The following FNBP1L variants were observed in gnomAD, a reference collection of about 807,000 sequenced individuals.
FNBP1L encodes formin binding protein 1 like.
In FNBP1L, 36 loss-of-function variants were observed where a neutral mutation model predicts 91.2. The ratio of observed to expected loss-of-function variants is 0.39; its 90% CI spans 0.30 to 0.52. FNBP1L has a LOEUF of 0.52. Ranked by LOEUF, FNBP1L falls within the 20% of genes least tolerant of loss-of-function variation. The probability of loss-of-function intolerance (pLI) is 0.66; values close to 1 mark genes in which losing one functional copy is unlikely to be tolerated. For synonymous variants in FNBP1L, 242 were observed against 237.0 expected (o/e 1.02, Z -0.19); for missense variants, 571 against 732.1 (o/e 0.78, Z 2.54).
Position 93,512,515 on chromosome 1 carries a change from C to G in FNBP1L, c.141-9567C>G, listed in dbSNP as rs1443154652. ...CACCTATTCCAAAATTGACCACATACTTGGAAGTAAAGCTCTCCTCAGCAA... is the reference window on the plus strand; with the variant it reads ...CACCTATTCCAAAATTGACCACATAGTTGGAAGTAAAGCTCTCCTCAGCAA... On this transcript the variant is annotated intron_variant, in intron 2 of 16. Transcript: ENST00000271234. Among the ~76,000 whole-genome samples the G allele has an allele frequency of 4.6e-3, 702 of 151,762 alleles. 4 individuals carry two copies. The highest frequency in any genetic ancestry group is 0.011 in the South Asian group (51 of 4,806).
At position 93,549,283 on chromosome 1, in the gene FNBP1L, A is replaced by T. The variant is rs1399840821; in HGVS notation, c.1508A>T (p.Glu503Val). The stretch of plus-strand genomic sequence containing the variant: ...GATAATTTTTTGTTTTATAGTCCTG[A>T]GGGAAGTTACACTGATGATGCAAAC... ...HLVTQGRESP[E>V]GSYTDDANQE... Residue 503 changes from glutamate to valine, a missense_variant, in exon 15 of 17, where the codon GAG becomes GTG. Around this residue, in one of 5 missense-constraint regions of FNBP1L, gnomAD observed 189 missense variants for 219.7 expected, o/e 0.86. Coordinates refer to ENST00000271234, the MANE Select transcript of FNBP1L (RefSeq NM_001164473.3). 1 of 1,607,438 alleles carries T rather than the reference A, an allele frequency of 6.2e-7. No homozygotes were observed. The highest frequency in any genetic ancestry group is 8.5e-7 in the Non-Finnish European group (1 of 1,177,718).
At chr1:93,538,024 A>G (rs575500772) in intron 10 of FNBP1L, among the ~76,000 whole-genome samples, 1 of 152,208 alleles carries the variant, frequency 6.6e-6, no homozygotes, top group African/African-American at 2.4e-5. Context: ...TTATATTGTT[A>G]CATAAATCAT....
Position 93,448,318 on chromosome 1 carries a change from G to A in FNBP1L, c.24+13G>A, listed in dbSNP as rs1484867542. 6.6e-6 allele frequency: 10 copies of A among 1,507,572 alleles called. No homozygotes were observed. Among genetic ancestry groups the A allele is most frequent in the Non-Finnish European group, 8.9e-6 (10 of 1,129,230 alleles). The allele number at this position is 1,507,572 out of a possible 1,614,324, so 93.4% of individuals were successfully genotyped here. On this transcript the variant is annotated intron_variant, in intron 1 of 16. Coordinates refer to ENST00000271234, the MANE Select transcript of FNBP1L (RefSeq NM_001164473.3). ...CACGGAGCTGTGGGTGAGTCGGGGA[G>A]AGGGGCGCCCCGCACGGACCCCGGC...
chr1:93,463,932 G>A (rs1037616668), intron 1 of FNBP1L, among the ~76,000 whole-genome samples: 1 of 151,922 alleles, frequency 6.6e-6, no homozygotes, highest in African/African-American at 2.4e-5. Flanking sequence ...TTCATTCTTC[G>A]TGCTGTGAAG....
At chr1:93,506,402 A>C (rs1046695064) in intron 2 of FNBP1L, among the ~76,000 whole-genome samples, 4 of 152,210 alleles carry the variant, frequency 2.6e-5, no homozygotes, top group African/African-American at 9.6e-5. Context: ...GTCAGATCCA[A>C]AGTCTTACAA....
rs966284596 is a variant in FNBP1L, at chr1:93,475,041, A to AT, written c.25-24417dup. Among the ~76,000 whole-genome samples the AT allele has an allele frequency of 2.0e-3, 298 of 148,964 alleles. 2 individuals carry two copies. Among genetic ancestry groups the AT allele is most frequent in the African/African-American group, 6.9e-3 (280 of 40,788 alleles). ...AGAACTAGAGCCAAGGTCATTTTGT[A>AT]TTTTTTTTTTAAGTGAACAGAATCT... is the stretch of plus-strand genomic sequence containing the variant. On this transcript the variant is annotated intron_variant, in intron 1 of 16. Coordinates refer to ENST00000271234, the MANE Select transcript of FNBP1L (RefSeq NM_001164473.3).
intron 2 of FNBP1L, among the ~76,000 whole-genome samples, chr1:93,505,109 T>A (rs1557796819): frequency 8.4e-6 from 1 of 118,762 alleles, no homozygotes; most frequent in Non-Finnish European, 1.7e-5. Context: ...CCAGCTTCAT[T>A]CTTTTTTTTT....
At chr1:93,469,664 A>G (rs573835168) in intron 1 of FNBP1L, among the ~76,000 whole-genome samples, 9 of 152,324 alleles carry the variant, frequency 5.9e-5, no homozygotes, top group Non-Finnish European at 1.2e-4. Flanking sequence ...TAAACTATAA[A>G]TAAAAACTAA....
chr1:93,498,397 G>C (rs917613184), intron 1 of FNBP1L, among the ~76,000 whole-genome samples: 8 of 152,136 alleles, frequency 5.3e-5, no homozygotes, highest in African/African-American at 1.9e-4. Context: ...TTTTCTTGCT[G>C]TATTCAGATA....
At chr1:93,532,865 C>T in intron 7 of FNBP1L, 57 bp from the exon 8 acceptor site, 1 of 1,411,034 alleles carries the variant, frequency 7.1e-7, no homozygotes, top group Non-Finnish European at 9.7e-7. Flanking sequence ...AATTGAACTC[C>T]TTTAGAATGA....
At chr1:93,497,848 G>A (rs935001450) in intron 1 of FNBP1L, among the ~76,000 whole-genome samples, 4 of 151,922 alleles carry the variant, frequency 2.6e-5, no homozygotes, top group African/African-American at 4.8e-5. Flanking sequence ...TCGAACTCCT[G>A]ACTTCAAGTG....
At position 93,550,990 on chromosome 1, in the gene FNBP1L, C is replaced by T. The variant is rs746242213; in HGVS notation, c.1695C>T (p.Leu565=). ...TAGCAATGAAAGAAGGTGAAGTTCTCTACATTATAGAGGAGGACAAAGGTG... is the reference window on the plus strand; with the variant it reads ...TAGCAATGAAAGAAGGTGAAGTTCTTTACATTATAGAGGAGGACAAAGGTG... ...GTLAMKEGEV[L]YIIEEDKGDG... Residue 565 remains leucine (L), a synonymous_variant, in exon 16 of 17, where the codon CTC becomes CTT. Transcript: ENST00000271234. The T allele has an allele frequency of 6.2e-7, 1 of 1,609,478 alleles. No individual in the cohort carries two copies. Among genetic ancestry groups the T allele is most frequent in the Non-Finnish European group, 8.5e-7 (1 of 1,177,542 alleles).
At chr1:93,468,554 C>T (rs1318593559) in intron 1 of FNBP1L, among the ~76,000 whole-genome samples, 2 of 152,154 alleles carry the variant, frequency 1.3e-5, no homozygotes, top group Non-Finnish European at 2.9e-5. Context: ...CCTCAGCACC[C>T]CATGTAGCTG....
At chr1:93,536,286 C>T (rs2101763536) in intron 9 of FNBP1L, 46 bp from the exon 10 acceptor site, 2 of 1,316,302 alleles carry the variant, frequency 1.5e-6, no homozygotes, top group South Asian at 4.5e-5. Flanking sequence ...TAGGAGAAAA[C>T]TATGCACATT....
At chr1:93,511,612 C>G (rs1326534494) in intron 2 of FNBP1L, among the ~76,000 whole-genome samples, 1 of 152,120 alleles carries the variant, frequency 6.6e-6, no homozygotes, top group Non-Finnish European at 1.5e-5. Flanking sequence ...ACAATATTAA[C>G]TTTAAATGTA....
intron 1 of FNBP1L, among the ~76,000 whole-genome samples, chr1:93,492,122 A>C (rs1220587375): frequency 6.6e-6 from 1 of 152,220 alleles, no homozygotes; most frequent in Admixed American, 6.5e-5. Flanking sequence ...GATTTTGAGT[A>C]CTGGAGAAAA....
intron 2 of FNBP1L, among the ~76,000 whole-genome samples, chr1:93,505,852 T>C (rs1670591641): frequency 6.6e-6 from 1 of 152,188 alleles, no homozygotes; most frequent in Non-Finnish European, 1.5e-5. Flanking sequence ...CTAATTTTTG[T>C]ATTTTTAGTA....
At position 93,507,097 on chromosome 1, in the gene FNBP1L, ACACACACACACTCTCTCTCTCT is replaced by A. The variant is rs1670653345; in HGVS notation, c.140+7516_140+7537del. Among the ~76,000 whole-genome samples, 44 of 84,154 alleles carry A rather than the reference ACACACACACACTCTCTCTCTCT, an allele frequency of 5.2e-4. No individual in the cohort carries two copies. The East Asian group carries it at 5.5e-3, about 10-fold the overall frequency. 55.2% of individuals were successfully genotyped at this position (84,154 alleles called of 152,430 possible). On this transcript the variant is annotated intron_variant, in intron 2 of 16. Coordinates refer to ENST00000271234, the MANE Select transcript of FNBP1L (RefSeq NM_001164473.3). ...CACACACACACACACACACACACACACACACACACACTCTCTCTCTCTCTCTCTCTCTCTCTCTCTCTCTCTC... is the reference window on the plus strand; with the variant it reads ...CACACACACACACACACACACACACACTCTCTCTCTCTCTCTCTCTCTCTC...
At chr1:93,536,605 A>C in intron 10 of FNBP1L, 115 bp downstream of exon 10, 2 of 936,408 alleles carry the variant, frequency 2.1e-6, no homozygotes, top group East Asian at 6.0e-5. Context: ...GTTTAAAAAC[A>C]CCACAGAATT....
Sources: gnomAD v4.1 joint callset for allele counts (sites outside exome capture counted in the v4.1 genomes callset) on GRCh38, gnomAD v4.1.1 for gene constraint, gnomAD v4.1.1 regional missense constraint, MANE v1.5 for transcripts, NCBI Gene and HGNC (gene_info 2026-07-23, HGNC 2026-07-21) for gene names.